The following MAF variants were observed in gnomAD, a reference collection of about 807,000 sequenced individuals.
MAF encodes the protein transcription factor Maf.
Under a neutral mutation model 22.0 loss-of-function variants are expected in MAF, and 10 were observed. The ratio of observed to expected loss-of-function variants is 0.45; its 90% confidence interval spans 0.28 to 0.77. The LOEUF (loss-of-function observed/expected upper bound fraction) is 0.77, where lower values mean the gene tolerates loss of function less well. MAF is among the 30% of genes least tolerant of loss of function. The probability of loss-of-function intolerance (pLI) is 0.12; values close to 1 mark genes in which losing one functional copy is unlikely to be tolerated. For synonymous variants in MAF, 337 were observed against 255.8 expected, an observed-to-expected ratio of 1.32 and a Z score of -3.03; for missense variants, 544 against 548.4, an observed-to-expected ratio of 0.99 and a Z score of 0.08.
chr16:79,372,352 T>C, the MAF span, among the ~76,000 whole-genome samples: 1 of 152,052 alleles, frequency 6.6e-6, no homozygotes, highest in Non-Finnish European at 1.5e-5. Context: ...AAAAAATGAA[T>C]CCAAACAAGA....
At chr16:79,448,376 C>A in the MAF span, among the ~76,000 whole-genome samples, 1 of 96,134 alleles carries the variant, frequency 1.0e-5, no homozygotes, top group Admixed American at 1.1e-4. Flanking sequence ...TGAATGCTAG[C>A]ATTTTTTTTT....
chr16:79,546,769 G>A, the MAF span, among the ~76,000 whole-genome samples: 1 of 152,136 alleles, frequency 6.6e-6, no homozygotes, highest in Admixed American at 6.5e-5. Context: ...GTGTGCATAT[G>A]TGTGACCCAA....
At chr16:79,412,262 A>G in the MAF span, among the ~76,000 whole-genome samples, 1 of 152,164 alleles carries the variant, frequency 6.6e-6, no homozygotes, top group Non-Finnish European at 1.5e-5. Flanking sequence ...TTGTGTTCAG[A>G]TAAAGGGCCA....
the MAF span, among the ~76,000 whole-genome samples, chr16:79,215,216 T>G: frequency 6.6e-6 from 1 of 152,208 alleles, no homozygotes; most frequent in African/African-American, 2.4e-5. Flanking sequence ...CTTCCATAAG[T>G]TGACTATATC....
chr16:79,278,047 T>G, the MAF span, among the ~76,000 whole-genome samples: 2 of 152,194 alleles, frequency 1.3e-5, no homozygotes, highest in African/African-American at 4.8e-5. Flanking sequence ...CCTGGGGTAA[T>G]GCCTGCGATT....
At chr16:79,456,582 GAGA>G in the MAF span, among the ~76,000 whole-genome samples, 1 of 152,248 alleles carries the variant, frequency 6.6e-6, no homozygotes, top group African/African-American at 2.4e-5. Flanking sequence ...CAGAGTATGG[GAGA>G]AGGATGAGCT....
At chr16:79,365,870 C>T in the MAF span, among the ~76,000 whole-genome samples, 74 of 152,280 alleles carry the variant, frequency 4.9e-4, no homozygotes, top group African/African-American at 1.7e-3. Flanking sequence ...AATGTGTTTC[C>T]GGAAAACATG....
chr16:79,310,533 T>G, the MAF span, among the ~76,000 whole-genome samples: 1 of 152,212 alleles, frequency 6.6e-6, no homozygotes, highest in Non-Finnish European at 1.5e-5. Context: ...GGAGTTCAGA[T>G]GGGAGGACTG....
At chr16:79,494,018 G>A in the MAF span, among the ~76,000 whole-genome samples, 1 of 151,826 alleles carries the variant, frequency 6.6e-6, no homozygotes, top group Non-Finnish European at 1.5e-5. Flanking sequence ...CATTTCCATG[G>A]TGACAGCAAA....
the MAF span, among the ~76,000 whole-genome samples, chr16:79,280,927 T>A: frequency 6.6e-6 from 1 of 152,160 alleles, no homozygotes; most frequent in Non-Finnish European, 1.5e-5. Context: ...TGATCCATTG[T>A]CAAAGCAGTC....
At chr16:79,478,798 G>A in the MAF span, among the ~76,000 whole-genome samples, 48 of 137,606 alleles carry the variant, frequency 3.5e-4, no homozygotes, top group East Asian at 0.01. Flanking sequence ...ACCATCCTAC[G>A]ATACCTGTGC....
chr16:79,244,757 C>A, the MAF span, among the ~76,000 whole-genome samples: 6 of 151,946 alleles, frequency 3.9e-5, no homozygotes, highest in Admixed American at 3.9e-4. Flanking sequence ...CCCGCATAGC[C>A]AAGACAATCC....
the MAF span, among the ~76,000 whole-genome samples, chr16:79,534,417 G>C: frequency 6.6e-6 from 1 of 152,138 alleles, no homozygotes; most frequent in Non-Finnish European, 1.5e-5. Flanking sequence ...AATAGTGTCA[G>C]AAAGCTGTCC....
At chr16:79,207,367 C>T in the MAF span, among the ~76,000 whole-genome samples, 3 of 152,254 alleles carry the variant, frequency 2.0e-5, no homozygotes, top group Non-Finnish European at 4.4e-5. Context: ...CACTTCAGAT[C>T]ACCACTTTGT....
At chr16:79,211,542 G>T in the MAF span, 3 of 1,607,076 alleles carry the variant, frequency 1.9e-6, no homozygotes, top group Non-Finnish European at 1.7e-6. Flanking sequence ...CCAGGCAGTC[G>T]AAATGACGCC....
At chr16:79,462,169 C>T in the MAF span, among the ~76,000 whole-genome samples, 1 of 152,300 alleles carries the variant, frequency 6.6e-6, no homozygotes, top group Middle Eastern at 3.4e-3. Context: ...TAATAATGGC[C>T]ACAATGGCTA....
the MAF span, among the ~76,000 whole-genome samples, chr16:79,489,478 G>C: frequency 2.0e-5 from 3 of 152,212 alleles, no homozygotes; most frequent in Admixed American, 6.5e-5. Flanking sequence ...CTCAGAAAGA[G>C]AGCAGACAAG....
the MAF span, among the ~76,000 whole-genome samples, chr16:79,482,600 ACACATCATCAAACTTTCAGTGATCATTTC>A: frequency 6.6e-6 from 1 of 152,126 alleles, no homozygotes; most frequent in Non-Finnish European, 1.5e-5. Flanking sequence ...GCTCCTTCCC[ACACATCATCAAACTTTCAGTGATCATTTC>A]CATGCAGCAG....
chr16:79,224,588 CA>C, the MAF span, among the ~76,000 whole-genome samples: 1 of 152,192 alleles, frequency 6.6e-6, no homozygotes, highest in African/African-American at 2.4e-5. Flanking sequence ...TTACAGATGA[CA>C]TGATTGCATA....
Sources: allele counts gnomAD v4.1 joint callset (sites outside exome capture counted in the v4.1 genomes callset), GRCh38; gene constraint gnomAD v4.1.1; transcripts MANE v1.5; gene names NCBI Gene and HGNC (gene_info 2026-07-23, HGNC 2026-07-21).